The following RBMS3 variants were observed in gnomAD, a reference collection of about 807,000 sequenced individuals.
The protein encoded by RBMS3 is RNA binding motif single stranded interacting protein 3.
In RBMS3, 27 loss-of-function variants were observed where a neutral mutation model predicts 66.8. That is an observed-to-expected ratio of 0.40 (90% CI 0.30 to 0.56). The LOEUF is 0.56. RBMS3 is among the 20% of genes least tolerant of loss of function. The pLI is 0.40. For synonymous variants in RBMS3, 188 were observed against 183.0 expected (o/e 1.03, Z -0.22); for missense variants, 513 against 549.5 (o/e 0.93, Z 0.66).
At chr3:29,986,351 C>G (rs1698388896) in intron 12 of RBMS3, among the ~76,000 whole-genome samples, 1 of 152,082 alleles carries the variant, frequency 6.6e-6, no homozygotes, top group Non-Finnish European at 1.5e-5. Context: ...ATACCAAAAT[C>G]AAAACAAAAG....
At chr3:29,905,104 T>C (rs956344749) in intron 10 of RBMS3, among the ~76,000 whole-genome samples, 1 of 151,876 alleles carries the variant, frequency 6.6e-6, no homozygotes, top group African/African-American at 2.4e-5. Context: ...TATTTTCTGT[T>C]TTGTGAGCTA....
chr3:29,633,278 T>C (rs563207430), intron 4 of RBMS3, among the ~76,000 whole-genome samples: 107 of 151,980 alleles, frequency 7.0e-4, no homozygotes, highest in African/African-American at 2.4e-3. Flanking sequence ...TCTTCATATA[T>C]CCTCTAATAA....
At chr3:29,658,759 T>TTA (rs2050415761) in intron 4 of RBMS3, among the ~76,000 whole-genome samples, 1 of 152,236 alleles carries the variant, frequency 6.6e-6, no homozygotes, top group South Asian at 2.1e-4. Flanking sequence ...TCTGCCTCAA[T>TTA]ATTAATGAGG....
At chr3:29,682,170 G>C (rs1306673595) in intron 4 of RBMS3, among the ~76,000 whole-genome samples, 1 of 151,972 alleles carries the variant, frequency 6.6e-6, no homozygotes, top group South Asian at 2.1e-4. Context: ...GTTTTGAGTC[G>C]GAGTCTCGCT....
intron 6 of RBMS3, among the ~76,000 whole-genome samples, chr3:29,839,790 A>T (rs2058618193): frequency 6.6e-6 from 1 of 151,838 alleles, no homozygotes; most frequent in South Asian, 2.1e-4. Flanking sequence ...TACTTTGCAA[A>T]TATTATAAAA....
chr3:29,388,985 G>C (rs143117440), intron 1 of RBMS3, among the ~76,000 whole-genome samples: 2 of 152,206 alleles, frequency 1.3e-5, no homozygotes, highest in Non-Finnish European at 2.9e-5. Context: ...ATTGATTTGA[G>C]AATTTGAGAG....
chr3:29,432,838 G>T (rs1254787606), intron 1 of RBMS3, among the ~76,000 whole-genome samples: 2 of 152,194 alleles, frequency 1.3e-5, no homozygotes, highest in African/African-American at 4.8e-5. Context: ...AGGGTGAAAA[G>T]TTGGGAGTAC....
intron 4 of RBMS3, among the ~76,000 whole-genome samples, chr3:29,702,015 G>A (rs2052621230): frequency 1.3e-5 from 2 of 152,222 alleles, no homozygotes. Context: ...AGTCCAGTGG[G>A]GACTTGGAGA....
rs773131750 is a variant in RBMS3 at position 29,739,808 on chromosome 3, T to C, written c.488T>C (p.Phe163Ser). Residue 163 changes from phenylalanine (F) to serine (S), a missense_variant, in exon 5 of 15, where the codon TTT (phenylalanine) becomes TCT (serine). Coordinates refer to ENST00000383767, the MANE Select transcript of RBMS3 (RefSeq NM_001003793.3). ...GAGCTTGAGAATATGCTGAAACCCTTTGGACATGTCATTTCCACAAGAATA... is the reference window on the plus strand; with the variant it reads ...GAGCTTGAGAATATGCTGAAACCCTCTGGACATGTCATTTCCACAAGAATA... ...EQELENMLKPFGHVISTRILR... is the reference protein window; with the variant it reads ...EQELENMLKPSGHVISTRILR... 1 of 1,613,434 alleles carries C rather than the reference T, an allele frequency of 6.2e-7. No individual in the cohort carries two copies. Among genetic ancestry groups the C allele is most frequent in the South Asian group, 1.1e-5 (1 of 90,978 alleles).
At chr3:29,850,265 G>A (rs2058898219) in intron 6 of RBMS3, among the ~76,000 whole-genome samples, 1 of 152,074 alleles carries the variant, frequency 6.6e-6, no homozygotes, top group Non-Finnish European at 1.5e-5. Context: ...AAGCTCCTAG[G>A]GTAGACTGAA....
intron 3 of RBMS3, among the ~76,000 whole-genome samples, chr3:29,557,751 AT>A (rs1437556631): frequency 6.6e-6 from 1 of 152,190 alleles, no homozygotes; most frequent in Non-Finnish European, 1.5e-5. Context: ...AGTCTGGGTA[AT>A]TTTCTCCTAA....
intron 1 of RBMS3, among the ~76,000 whole-genome samples, chr3:29,398,591 G>T (rs1177708183): frequency 6.6e-6 from 1 of 152,160 alleles, no homozygotes; most frequent in Non-Finnish European, 1.5e-5. Flanking sequence ...ATCTTTCTCA[G>T]GTCTTCCCTT....
chr3:29,599,551 T>C (rs893641569), intron 4 of RBMS3, among the ~76,000 whole-genome samples: 14 of 152,062 alleles, frequency 9.2e-5, no homozygotes, highest in Non-Finnish European at 2.1e-4. Flanking sequence ...TTTCCAGAGA[T>C]GACATATCCT....
At chr3:29,886,976 C>T (rs2059887040) in intron 8 of RBMS3, among the ~76,000 whole-genome samples, 1 of 151,748 alleles carries the variant, frequency 6.6e-6, no homozygotes, top group Non-Finnish European at 1.5e-5. Context: ...TGGGGACATA[C>T]TGGTGAATAA....
intron 3 of RBMS3, among the ~76,000 whole-genome samples, chr3:29,535,766 A>T (rs188962890): frequency 3.4e-4 from 40 of 116,658 alleles, no homozygotes; most frequent in African/African-American, 1.3e-3. Context: ...GTTAAATTGC[A>T]ACTGATCAAG....
chr3:29,526,702 A>G (rs925437795), intron 3 of RBMS3, among the ~76,000 whole-genome samples: 1 of 151,974 alleles, frequency 6.6e-6, no homozygotes, highest in Non-Finnish European at 1.5e-5. Context: ...AACTCTGCCT[A>G]CTTATAATTT....
chr3:29,293,263 ATGTTGT>A (rs150707691), intron 1 of RBMS3, among the ~76,000 whole-genome samples: 28,570 of 151,578 alleles, frequency 0.19, 3,002 homozygotes, highest in South Asian at 0.32. Context: ...ACCAGGAGCA[ATGTTGT>A]TGTTGTTCTG....
intron 6 of RBMS3, among the ~76,000 whole-genome samples, chr3:29,780,693 C>A (rs1010014381): frequency 1.3e-5 from 2 of 152,032 alleles, no homozygotes; most frequent in African/African-American, 4.8e-5. Context: ...TTGATATCAC[C>A]TTTTCCTATA....
intron 5 of RBMS3, among the ~76,000 whole-genome samples, chr3:29,758,077 T>G (rs1236719666): frequency 1.3e-5 from 2 of 152,218 alleles, no homozygotes; most frequent in Non-Finnish European, 2.9e-5. Context: ...TCATGGGTTT[T>G]GGGAGAGAAT....
Sources: gnomAD v4.1 joint callset for allele counts (sites outside exome capture counted in the v4.1 genomes callset) on GRCh38, gnomAD v4.1.1 for gene constraint, MANE v1.5 for transcripts, NCBI Gene and HGNC (gene_info 2026-07-23, HGNC 2026-07-21) for gene names.